LIPC: variants seen among roughly 807,000 people sequenced by gnomAD.
LIPC encodes the protein hepatic triacylglycerol lipase.
In LIPC, 44 loss-of-function variants were observed where a neutral mutation model predicts 50.7. The observed-to-expected ratio is 0.87, with a 90% confidence interval of 0.68 to 1.11. The LOEUF is 1.11. LIPC is among the 50% of genes most tolerant of loss of function. The pLI, the probability that LIPC is intolerant of heterozygous loss-of-function variation, is 0.00. For missense variants in LIPC, 697 were observed against 648.2 expected, an observed-to-expected ratio of 1.08 and a Z score of -0.82; for synonymous variants, 271 against 256.4, an observed-to-expected ratio of 1.06 and a Z score of -0.54.
intron 1 of LIPC, among the ~76,000 whole-genome samples, chr15:58,449,517 G>C (rs1263480396): frequency 3.3e-5 from 5 of 151,870 alleles, no homozygotes; most frequent in African/African-American, 1.2e-4. Flanking sequence ...TGTAATCCAT[G>C]CAGGTTGCTG....
intron 1 of LIPC, among the ~76,000 whole-genome samples, chr15:58,488,520 GCC>G (rs60190996): frequency 0.27 from 41,577 of 152,092 alleles, 6,033 homozygotes; most frequent in East Asian, 0.33. Context: ...TCCAGAGTTA[GCC>G]CCCTTGGAAG....
chr15:58,511,019 A>G (rs1420092219), intron 1 of LIPC, among the ~76,000 whole-genome samples: 2 of 152,160 alleles, frequency 1.3e-5, no homozygotes, highest in Non-Finnish European at 1.5e-5. Context: ...ATTATTTTGT[A>G]TATTTACGGA....
At chr15:58,467,804 G>A (rs1894625072) in intron 1 of LIPC, among the ~76,000 whole-genome samples, 1 of 152,130 alleles carries the variant, frequency 6.6e-6, no homozygotes, top group Non-Finnish European at 1.5e-5. Flanking sequence ...ATCAAATCCT[G>A]TCCGCCGCTT....
intron 1 of LIPC, among the ~76,000 whole-genome samples, chr15:58,502,794 CAA>C (rs1892030435): frequency 6.6e-6 from 1 of 152,062 alleles, no homozygotes; most frequent in South Asian, 2.1e-4. Context: ...CTTACACAGT[CAA>C]AGAGCAATTT....
intron 3 of LIPC, 112 bp from the exon 4 acceptor site, chr15:58,542,422 C>T (rs1893362478): frequency 1.3e-6 from 1 of 783,120 alleles, no homozygotes; most frequent in African/African-American, 1.7e-5. Flanking sequence ...AATAAGGCAC[C>T]TCATTTCTGA....
At chr15:58,461,125 A>AT (rs1245607422) in intron 1 of LIPC, among the ~76,000 whole-genome samples, 1 of 152,344 alleles carries the variant, frequency 6.6e-6, no homozygotes, top group Non-Finnish European at 1.5e-5. Context: ...GGGAGACGTC[A>AT]TAACAAGACC....
chr15:58,439,145 G>T (rs1893416899), intron 1 of LIPC, among the ~76,000 whole-genome samples: 1 of 152,212 alleles, frequency 6.6e-6, no homozygotes, highest in East Asian at 1.9e-4. Flanking sequence ...GTCCCAACAT[G>T]AAGAGCAGGC....
intron 1 of LIPC, among the ~76,000 whole-genome samples, chr15:58,489,426 G>A (rs1891503684): frequency 1.3e-5 from 2 of 152,072 alleles, no homozygotes; most frequent in East Asian, 3.9e-4. Context: ...TCAGCGGTTA[G>A]GGTTTTTCAA....
At chr15:58,467,421 TTCTGG>T (rs1459217504) in intron 1 of LIPC, among the ~76,000 whole-genome samples, 3 of 152,212 alleles carry the variant, frequency 2.0e-5, no homozygotes, top group African/African-American at 4.8e-5. Flanking sequence ...CCGTTGCTTA[TTCTGG>T]TCCCCTCATA....
intron 1 of LIPC, chr15:58,435,075 A>G: frequency 6.6e-6 from 1 of 152,256 alleles, no homozygotes; most frequent in East Asian, 1.9e-4. Context: ...TAAAACTGAG[A>G]AATCTTTAAA....
In LIPC at chr15:58,516,754, T is replaced by C. The variant is rs144042312; in HGVS notation, c.89-21579T>C. On this transcript the variant is annotated intron_variant, in intron 1 of 8. Transcript: ENST00000299022. Reference sequence around the variant, plus strand: ...ATCTTGAATAAATGAAATATAGTTATAAGAACTGTTTTAATGTTCTTGTGG... The same window carrying C: ...ATCTTGAATAAATGAAATATAGTTACAAGAACTGTTTTAATGTTCTTGTGG... 5.6e-3 allele frequency among the ~76,000 whole-genome samples: 846 copies of C among 152,366 alleles called. 1 individual carries two copies. The highest frequency in any genetic ancestry group is 0.01 in the Middle Eastern group (3 of 294).
chr15:58,474,727 G>A (rs144876392), intron 1 of LIPC, among the ~76,000 whole-genome samples: 61 of 152,202 alleles, frequency 4.0e-4, no homozygotes, highest in African/African-American at 1.4e-3. Context: ...GTCGTTCCCT[G>A]GCCTCTCTGC....
chr15:58,460,093 G>T (rs1263661832), intron 1 of LIPC, among the ~76,000 whole-genome samples: 1 of 152,320 alleles, frequency 6.6e-6, no homozygotes, highest in South Asian at 2.1e-4. Flanking sequence ...CACCCTGTAG[G>T]GCTCTGCTCT....
chr15:58,496,670 G>A (rs945922072), intron 1 of LIPC, among the ~76,000 whole-genome samples: 6 of 147,338 alleles, frequency 4.1e-5, no homozygotes, highest in Non-Finnish European at 5.9e-5. Flanking sequence ...TTAATTATGC[G>A]TTAGCACAAT....
chr15:58,534,286 G>T (rs1415290764), intron 1 of LIPC, among the ~76,000 whole-genome samples: 1 of 152,198 alleles, frequency 6.6e-6, no homozygotes, highest in Non-Finnish European at 1.5e-5. Flanking sequence ...AAAGGTATGA[G>T]GGTGGGCACA....
At position 58,525,831 on chromosome 15, in the gene LIPC, C is replaced by A. The variant is rs370183951; in HGVS notation, c.89-12502C>A. Reference sequence around the variant, plus strand: ...TGTTACTGATCAGGTGCAGAAGAACCCTTCAAGGAGGAAGATGTTACAATA... The same window carrying A: ...TGTTACTGATCAGGTGCAGAAGAACACTTCAAGGAGGAAGATGTTACAATA... On this transcript the variant is annotated intron_variant, in intron 1 of 8. Coordinates refer to ENST00000299022, the MANE Select transcript of LIPC (RefSeq NM_000236.3). 4.6e-5 allele frequency among the ~76,000 whole-genome samples: 7 copies of A among 152,168 alleles called. No homozygotes were observed. The East Asian group carries it at 1.2e-3, about 25-fold the overall frequency.
intron 2 of LIPC, among the ~76,000 whole-genome samples, chr15:58,540,052 T>C (rs1299084716): frequency 1.3e-5 from 2 of 152,210 alleles, no homozygotes; most frequent in East Asian, 1.9e-4. Context: ...AGCTTCTCCC[T>C]GGGAAGGATT....
At chr15:58,534,768 G>A (rs1893060586) in intron 1 of LIPC, among the ~76,000 whole-genome samples, 1 of 152,188 alleles carries the variant, frequency 6.6e-6, no homozygotes, top group African/African-American at 2.4e-5. Flanking sequence ...ATCTTCAGCA[G>A]CCTTATAAGA....
At chr15:58,506,180 T>A (rs1430214725) in intron 1 of LIPC, among the ~76,000 whole-genome samples, 1 of 152,118 alleles carries the variant, frequency 6.6e-6, no homozygotes, top group African/African-American at 2.4e-5. Flanking sequence ...GTACCGTGCT[T>A]CACAACGGGG....
Sources: gnomAD v4.1 joint callset for allele counts (sites outside exome capture counted in the v4.1 genomes callset) on GRCh38, gnomAD v4.1.1 for gene constraint, MANE v1.5 for transcripts, NCBI Gene and HGNC (gene_info 2026-07-23, HGNC 2026-07-21) for gene names.